The following APBB1IP variants were observed in gnomAD, a reference collection of about 807,000 sequenced individuals.
The protein encoded by APBB1IP is amyloid beta A4 precursor protein-binding family B member 1-interacting protein.
Under a neutral mutation model 64.9 loss-of-function variants are expected in APBB1IP, and 27 were observed. The observed-to-expected ratio is 0.42, with a 90% CI of 0.31 to 0.57. APBB1IP has a LOEUF of 0.57. Among genes scored for constraint, APBB1IP ranks in the 20% least tolerant of loss-of-function variants. The pLI, the probability that APBB1IP is intolerant of heterozygous loss-of-function variation, is 0.20. For missense variants in APBB1IP, 812 were observed against 845.5 expected, an observed-to-expected ratio of 0.96 and a Z score of 0.49; for synonymous variants, 392 against 331.0, an observed-to-expected ratio of 1.18 and a Z score of -2.00.
chr10:26,439,986 G>C (rs943375673), intron 2 of APBB1IP, among the ~76,000 whole-genome samples: 1 of 152,206 alleles, frequency 6.6e-6, no homozygotes, highest in Non-Finnish European at 1.5e-5. Context: ...GCAAGGATCT[G>C]CTGAGAAATA....
intron 9 of APBB1IP, among the ~76,000 whole-genome samples, chr10:26,534,526 CCTGGAGCCAATTGGCTCATG>C (rs1284420663): frequency 1.3e-5 from 2 of 152,156 alleles, no homozygotes; most frequent in East Asian, 1.9e-4. Flanking sequence ...CCGGTTCCCA[CCTGGAGCCAATTGGCTCATG>C]CTGGAGCCAA....
At chr10:26,452,855 T>C (rs2132399932) in intron 2 of APBB1IP, among the ~76,000 whole-genome samples, 2 of 152,318 alleles carry the variant, frequency 1.3e-5, no homozygotes, top group East Asian at 3.9e-4. Flanking sequence ...CCACTCTGTA[T>C]AGCCATGTAT....
At chr10:26,519,328 G>C (rs559600314) in intron 8 of APBB1IP, among the ~76,000 whole-genome samples, 71 of 152,290 alleles carry the variant, frequency 4.7e-4, no homozygotes, top group South Asian at 4.1e-4. Context: ...ATGGGCTCAT[G>C]GTTCTGCAAG....
At chr10:26,467,451 G>T (rs537405788) in intron 2 of APBB1IP, among the ~76,000 whole-genome samples, 156 of 152,146 alleles carry the variant, frequency 1.0e-3, no homozygotes, top group Non-Finnish European at 1.6e-3. Flanking sequence ...ACAGATTATC[G>T]GGCCCCACCC....
chr10:26,442,020 A>G (rs1369490555), intron 2 of APBB1IP, among the ~76,000 whole-genome samples: 1 of 152,228 alleles, frequency 6.6e-6, no homozygotes, highest in Admixed American at 6.5e-5. Flanking sequence ...GAACTGGGCC[A>G]TCTGATGGTG....
At chr10:26,548,749 T>G (rs547898369) in intron 11 of APBB1IP, among the ~76,000 whole-genome samples, 1 of 152,330 alleles carries the variant, frequency 6.6e-6, no homozygotes, top group East Asian at 1.9e-4. Context: ...TGGTGGAGTC[T>G]TTGAGATTTT....
intron 4 of APBB1IP, among the ~76,000 whole-genome samples, chr10:26,497,242 G>A (rs969868479): frequency 2.6e-5 from 4 of 152,000 alleles, no homozygotes; most frequent in Admixed American, 6.6e-5. Flanking sequence ...TTTAGGCCAC[G>A]TGCTATTCAT....
chr10:26,522,675 T>C (rs1487267837), intron 8 of APBB1IP, among the ~76,000 whole-genome samples: 1 of 152,064 alleles, frequency 6.6e-6, no homozygotes, highest in Non-Finnish European at 1.5e-5. Context: ...CAAAACAACA[T>C]GGAAACCTTT....
At position 26,513,641 on chromosome 10, in the gene APBB1IP, C is replaced by A; in HGVS notation, c.794C>A (p.Ala265Asp). 1 of 1,612,102 alleles carries A rather than the reference C, an allele frequency of 6.2e-7. No homozygotes were observed. Among genetic ancestry groups the A allele is most frequent in the Non-Finnish European group, 8.5e-7 (1 of 1,179,422 alleles). ...TTTTTGGAGAAAGAGGAGAAATATG[C>A]TGTATTTAAAAACCCCCAGGTAAGA... ...ILFLEKEEKYAVFKNPQNFYL... is the reference protein window; with the variant it reads ...ILFLEKEEKYDVFKNPQNFYL... The change falls in exon 8 of 15, where the codon GCT becomes GAT. Residue 265 changes from alanine (A) to aspartate (D), a missense_variant. This residue lies in a region of APBB1IP where 394 missense variants were observed against 413.1 expected (regional missense o/e 0.95). Transcript: ENST00000376236.
At chr10:26,461,771 T>C (rs920836348) in intron 2 of APBB1IP, among the ~76,000 whole-genome samples, 1 of 152,172 alleles carries the variant, frequency 6.6e-6, no homozygotes, top group African/African-American at 2.4e-5. Flanking sequence ...TTTATTATTT[T>C]TTCTATCTTG....
intron 10 of APBB1IP, among the ~76,000 whole-genome samples, chr10:26,540,323 C>T (rs1818109629): frequency 6.6e-6 from 1 of 152,164 alleles, no homozygotes; most frequent in South Asian, 2.1e-4. Context: ...TCCTCTAATC[C>T]CAACAGTTTG....
intron 2 of APBB1IP, among the ~76,000 whole-genome samples, chr10:26,457,038 T>C (rs1835534887): frequency 6.6e-6 from 1 of 152,204 alleles, no homozygotes; most frequent in South Asian, 2.1e-4. Context: ...TAGGTCAAGA[T>C]AAATGTAGGC....
chr10:26,559,411 A>C (rs554342815), intron 11 of APBB1IP, among the ~76,000 whole-genome samples: 1 of 151,812 alleles, frequency 6.6e-6, no homozygotes, highest in Non-Finnish European at 1.5e-5. Flanking sequence ...CAAAAAAAAA[A>C]ACAACGTTTT....
chr10:26,566,903 T>A, intron 14 of APBB1IP, 58 bp from the exon 15 acceptor site: 7 of 1,486,414 alleles, frequency 4.7e-6, no homozygotes, highest in Non-Finnish European at 6.2e-6. Context: ...TTAATAACAA[T>A]AAATTTAAAA....
chr10:26,548,652 G>A (rs1267451396), intron 11 of APBB1IP, among the ~76,000 whole-genome samples: 2 of 152,068 alleles, frequency 1.3e-5, no homozygotes, highest in Non-Finnish European at 2.9e-5. Flanking sequence ...GTTGGCTACT[G>A]TTGAATAGAA....
At chr10:26,445,641 T>TAGG (rs1482097834) in intron 2 of APBB1IP, among the ~76,000 whole-genome samples, 1 of 152,236 alleles carries the variant, frequency 6.6e-6, no homozygotes, top group Non-Finnish European at 1.5e-5. Flanking sequence ...CTGCGGAAGT[T>TAGG]AGGACAGAGA....
chr10:26,465,635 T>C (rs1404588933), intron 2 of APBB1IP, among the ~76,000 whole-genome samples: 1 of 152,254 alleles, frequency 6.6e-6, no homozygotes, highest in African/African-American at 2.4e-5. Context: ...TTAATGTTCA[T>C]CACTTAGTAA....
At chr10:26,468,012 A>T (rs2132411646) in intron 2 of APBB1IP, among the ~76,000 whole-genome samples, 1 of 152,350 alleles carries the variant, frequency 6.6e-6, no homozygotes, top group African/African-American at 2.4e-5. Context: ...CTTTGCACCC[A>T]TTATTTTATG....
chr10:26,520,710 G>A (rs1434006912), intron 8 of APBB1IP, among the ~76,000 whole-genome samples: 4 of 152,182 alleles, frequency 2.6e-5, no homozygotes, highest in Non-Finnish European at 5.9e-5. Context: ...GGTTTCAAAT[G>A]TCACCTGCTG....
Sources: allele counts gnomAD v4.1 joint callset (sites outside exome capture counted in the v4.1 genomes callset), GRCh38; gene constraint gnomAD v4.1.1; regional missense constraint gnomAD v4.1.1; transcripts MANE v1.5; gene names NCBI Gene and HGNC (gene_info 2026-07-23, HGNC 2026-07-21).